Variants in ADCY10 observed in about 807,000 individuals in gnomAD.
The protein encoded by ADCY10 is adenylate cyclase type 10.
Under a neutral mutation model 183.3 loss-of-function variants are expected in ADCY10, and 156 were observed. The observed-to-expected ratio is 0.85, with a 90% CI of 0.75 to 0.97. The LOEUF is 0.97. ADCY10 is among the 50% of genes least tolerant of loss of function. The pLI is 0.00. For synonymous variants in ADCY10, 645 were observed against 670.0 expected, an observed-to-expected ratio of 0.96 and a Z score of 0.58; for missense variants, 1,745 against 1,934.3, an observed-to-expected ratio of 0.90 and a Z score of 1.84.
At chr1:167,866,389 T>C (rs562557842) in intron 14 of ADCY10, among the ~76,000 whole-genome samples, 3 of 152,108 alleles carry the variant, frequency 2.0e-5, no homozygotes, top group South Asian at 2.1e-4. Context: ...TTTTAGTGAG[T>C]GATGTTAATA....
chr1:167,876,214 G>A (rs189374628), intron 12 of ADCY10, among the ~76,000 whole-genome samples: 35 of 146,864 alleles, frequency 2.4e-4, no homozygotes, highest in African/African-American at 3.3e-4. Flanking sequence ...CCAAGATCAC[G>A]CCATTGCATT....
chr1:167,894,373 C>T (rs1051974511), intron 7 of ADCY10, among the ~76,000 whole-genome samples: 3 of 152,026 alleles, frequency 2.0e-5, no homozygotes, highest in Non-Finnish European at 4.4e-5. Flanking sequence ...GGCTTGATAC[C>T]GCTTCACTGT....
chr1:167,887,248 T>G (rs532075576), intron 8 of ADCY10, among the ~76,000 whole-genome samples: 1 of 152,298 alleles, frequency 6.6e-6, no homozygotes, highest in Admixed American at 6.5e-5. Flanking sequence ...CATGCACATG[T>G]ATGTTTATTG....
At chr1:167,817,806 A>G (rs555144944) in intron 31 of ADCY10, among the ~76,000 whole-genome samples, 23 of 152,356 alleles carry the variant, frequency 1.5e-4, no homozygotes, top group African/African-American at 5.1e-4. Context: ...AATATATTTA[A>G]TAGCAAATTA....
chr1:167,812,427 A>T (rs1662277195), intron 31 of ADCY10, among the ~76,000 whole-genome samples: 1 of 152,236 alleles, frequency 6.6e-6, no homozygotes, highest in African/African-American at 2.4e-5. Context: ...CTCAGAAAAG[A>T]TCTGGGAAGA....
Position 167,836,374 on chromosome 1 carries a change from C to T in ADCY10, c.3244G>A (p.Asp1082Asn), listed in dbSNP as rs778523169. 3 of 1,614,108 alleles carry T rather than the reference C, an allele frequency of 1.9e-6. No individual in the cohort carries two copies. Among genetic ancestry groups the T allele is most frequent in the South Asian group, 2.2e-5 (2 of 91,078 alleles). ...TCTAAGAAGTAATATAAGGCTTTGTCATTTTCTCCCAAAGCCAGAAAATGG... is the reference window on the plus strand; with the variant it reads ...TCTAAGAAGTAATATAAGGCTTTGTTATTTTCTCCCAAAGCCAGAAAATGG... The part of the protein sequence containing the change: ...AHHFLALGEN[D>N]KALYYFLEIA... The change falls in exon 23 of 33, where the codon GAC becomes AAC. Residue 1082 changes from aspartate (D) to asparagine (N), a missense_variant. Transcript: ENST00000367851.
chr1:167,871,427 G>T (rs559901847), intron 13 of ADCY10, among the ~76,000 whole-genome samples: 18 of 152,058 alleles, frequency 1.2e-4, no homozygotes, highest in Non-Finnish European at 2.5e-4. Context: ...ACTTGGAAAA[G>T]AAAAAAATAA....
chr1:167,872,646 G>C (rs1004047484), intron 13 of ADCY10, among the ~76,000 whole-genome samples: 4 of 151,558 alleles, frequency 2.6e-5, no homozygotes, highest in Non-Finnish European at 4.4e-5. Context: ...CCTTGTAAAA[G>C]AAGGGCATTT....
intron 6 of ADCY10, among the ~76,000 whole-genome samples, chr1:167,897,149 G>A (rs143315523): frequency 2.0e-5 from 3 of 150,444 alleles, no homozygotes; most frequent in African/African-American, 2.5e-5. Flanking sequence ...AGGATGGCAC[G>A]ATCTCATTTT....
At chr1:167,824,950 A>G (rs745945768) in intron 26 of ADCY10, 95 bp from the exon 27 acceptor site, 13 of 1,266,034 alleles carry the variant, frequency 1.0e-5, no homozygotes, top group Non-Finnish European at 1.5e-5. Context: ...TTGTTTATTA[A>G]GTTTGGGAAT....
At chr1:167,845,468 C>T (rs1198931118) in intron 21 of ADCY10, 95 bp downstream of exon 21, 6 of 1,349,162 alleles carry the variant, frequency 4.4e-6, no homozygotes, top group Non-Finnish European at 6.2e-6. Context: ...GCTTATGAGA[C>T]TTGAAGCCCT....
intron 14 of ADCY10, among the ~76,000 whole-genome samples, chr1:167,861,878 T>C (rs1263610152): frequency 3.3e-5 from 5 of 151,922 alleles, no homozygotes; most frequent in Non-Finnish European, 5.9e-5. Flanking sequence ...AGTGAGGGAG[T>C]TCTCATGAGA....
At chr1:167,868,698 T>C (rs780675828) in intron 14 of ADCY10, among the ~76,000 whole-genome samples, 19 of 152,222 alleles carry the variant, frequency 1.2e-4, no homozygotes, top group Non-Finnish European at 2.5e-4. Context: ...GGCGAACTCC[T>C]GGGCTTCCCT....
At chr1:167,818,289 A>G (rs753821731) in intron 30 of ADCY10, 22 bp from the exon 31 acceptor site, 1 of 1,604,730 alleles carries the variant, frequency 6.2e-7, no homozygotes, top group Non-Finnish European at 8.5e-7. Context: ...CAAGAGAATA[A>G]GAAAAATCAG....
At chr1:167,832,323 A>T (rs556759777) in intron 25 of ADCY10, among the ~76,000 whole-genome samples, 3 of 152,318 alleles carry the variant, frequency 2.0e-5, no homozygotes, top group Admixed American at 2.0e-4. Flanking sequence ...CAAGAGTATG[A>T]TGAGCAAAAT....
chr1:167,858,537 C>T (rs540010273), intron 16 of ADCY10, among the ~76,000 whole-genome samples: 18 of 148,238 alleles, frequency 1.2e-4, no homozygotes, highest in Non-Finnish European at 2.1e-4. Flanking sequence ...CTCACGATTT[C>T]CTGAGGGAGA....
At chr1:167,861,965 C>A (rs1015004280) in intron 14 of ADCY10, among the ~76,000 whole-genome samples, 10 of 152,196 alleles carry the variant, frequency 6.6e-5, no homozygotes, top group African/African-American at 2.4e-4. Flanking sequence ...CCTTGCTTCC[C>A]CTTTGCCTTC....
chr1:167,820,328 T>TGAGGGGCGGGGCCGGCCA (rs1037659748), intron 30 of ADCY10: 7 of 987,990 alleles, frequency 7.1e-6, no homozygotes, highest in African/African-American at 1.7e-5. Flanking sequence ...TAGCCGGCCT[T>TGAGGGGCGGGGCCGGCCA]GAGGGGCGGG....
intron 21 of ADCY10, among the ~76,000 whole-genome samples, chr1:167,842,350 T>C (rs1460920086): frequency 2.0e-5 from 3 of 152,124 alleles, no homozygotes; most frequent in Admixed American, 6.5e-5. Flanking sequence ...TCTCAGTTTG[T>C]TGTCCAGGCT....
Sources: allele counts gnomAD v4.1 joint callset (sites outside exome capture counted in the v4.1 genomes callset), GRCh38; gene constraint gnomAD v4.1.1; transcripts MANE v1.5; gene names NCBI Gene and HGNC (gene_info 2026-07-23, HGNC 2026-07-21).